Variants in WDR43 observed in about 807,000 individuals in gnomAD.
The protein encoded by WDR43 is WD repeat-containing protein 43.
Under a neutral mutation model 91.4 loss-of-function variants are expected in WDR43, and 13 were observed. The observed-to-expected ratio is 0.14, with a 90% CI of 0.09 to 0.23. The LOEUF (loss-of-function observed/expected upper bound fraction) is 0.23. Ranked by LOEUF, WDR43 falls within the 10% of genes least tolerant of loss-of-function variation. The probability of loss-of-function intolerance (pLI) is 1.00; values close to 1 mark genes in which losing one functional copy is unlikely to be tolerated. For missense variants in WDR43, 780 were observed against 809.4 expected, an observed-to-expected ratio of 0.96 and a Z score of 0.44; for synonymous variants, 331 against 287.9, an observed-to-expected ratio of 1.15 and a Z score of -1.51.
intron 10 of WDR43, among the ~76,000 whole-genome samples, chr2:28,928,236 T>G (rs972883336): frequency 1.3e-5 from 2 of 152,226 alleles, no homozygotes; most frequent in African/African-American, 4.8e-5. Flanking sequence ...ATAAGGAATC[T>G]GGAATTTTAA....
chr2:28,921,139 T>A (rs1327423215), intron 6 of WDR43, among the ~76,000 whole-genome samples: 3 of 151,928 alleles, frequency 2.0e-5, no homozygotes, highest in African/African-American at 7.3e-5. Context: ...AAATTTTTTT[T>A]TTTTTTTGAG....
chr2:28,910,735 G>A (rs888137719), intron 3 of WDR43, among the ~76,000 whole-genome samples: 2 of 150,046 alleles, frequency 1.3e-5, no homozygotes, highest in Admixed American at 6.7e-5. Context: ...GTCTCACTCC[G>A]TCACCCAGGT....
At position 28,946,673 on chromosome 2, in the gene WDR43, C is replaced by T. The variant is rs961149907; in HGVS notation, c.1928C>T (p.Ala643Val). The T allele has an allele frequency of 3.2e-6, 5 of 1,563,646 alleles. No individual in the cohort carries two copies. Among genetic ancestry groups the T allele is most frequent in the South Asian group, 1.2e-5 (1 of 84,758 alleles). The change falls in exon 18 of 18, where the codon GCC (alanine) becomes GTC (valine). Residue 643 changes from alanine (A) to valine (V), a missense_variant. Physicochemically the swap from Ala to Val is moderately conservative, Grantham distance 64. This residue lies in a region of WDR43 where 426 missense variants were observed against 467.8 expected (regional missense o/e 0.91). Transcript: ENST00000407426. ...DEDVEEEDED[A>V]EGKDEENGED... is the part of the protein sequence containing the mutation. Reference sequence around the variant, plus strand: ...GACGTTGAAGAGGAAGATGAGGATGCCGAAGGAAAAGATGAAGAAAATGGC... The same window carrying T: ...GACGTTGAAGAGGAAGATGAGGATGTCGAAGGAAAAGATGAAGAAAATGGC...
chr2:28,927,807 T>C, intron 10 of WDR43, 107 bp downstream of exon 10: 2 of 1,403,688 alleles, frequency 1.4e-6, no homozygotes, highest in Non-Finnish European at 1.9e-6. Context: ...AGAAATTTAC[T>C]GAGATTTCTC....
intron 9 of WDR43, chr2:28,927,355 T>C: frequency 3.5e-6 from 2 of 575,548 alleles, no homozygotes; most frequent in South Asian, 4.2e-5. Flanking sequence ...TTTACTCTTA[T>C]GTGGTATTGT....
chr2:28,946,509 T>C lies in WDR43; in HGVS notation c.1854+10T>C. On this transcript the variant is annotated intron_variant, in intron 17 of 17. Transcript: ENST00000407426. ...AGATAAGGATTCTGAAGTGAGTGAT[T>C]TGTTCCCTGTATATACATCGGCCTT... 5 of 1,609,100 alleles carry C rather than the reference T, an allele frequency of 3.1e-6. No homozygotes were observed. The highest frequency in any genetic ancestry group is 4.2e-6 in the Non-Finnish European group (5 of 1,177,066).
chr2:28,937,871 G>C (rs967731035), intron 13 of WDR43, 60 bp from the exon 14 acceptor site: 1 of 1,545,296 alleles, frequency 6.5e-7, no homozygotes, highest in Admixed American at 1.8e-5. Flanking sequence ...TTTTCTAACA[G>C]CTCAGTTGAA....
At chr2:28,904,223 T>G (rs1425771932) in intron 2 of WDR43, among the ~76,000 whole-genome samples, 4 of 152,050 alleles carry the variant, frequency 2.6e-5, no homozygotes, top group Non-Finnish European at 5.9e-5. Flanking sequence ...GATGGTATGG[T>G]AAGGTGGAAA....
intron 1 of WDR43, among the ~76,000 whole-genome samples, chr2:28,896,944 C>T (rs1351138275): frequency 6.6e-6 from 1 of 152,076 alleles, no homozygotes; most frequent in Non-Finnish European, 1.5e-5. Flanking sequence ...ACTATGGAAT[C>T]CCCTGAAATT....
intron 11 of WDR43, among the ~76,000 whole-genome samples, chr2:28,932,844 A>G (rs940235617): frequency 7.2e-5 from 11 of 152,348 alleles, no homozygotes; most frequent in Middle Eastern, 3.4e-3. Flanking sequence ...CATAGGGGAT[A>G]TTTTTAAATA....
intron 6 of WDR43, among the ~76,000 whole-genome samples, chr2:28,919,911 G>A (rs939241646): frequency 6.6e-6 from 1 of 151,900 alleles, no homozygotes; most frequent in Non-Finnish European, 1.5e-5. Flanking sequence ...TGCAGTCTTG[G>A]CTCACTGCAA....
intron 14 of WDR43, among the ~76,000 whole-genome samples, chr2:28,938,307 G>T (rs11127194): frequency 1.3e-5 from 2 of 152,130 alleles, no homozygotes; most frequent in African/African-American, 2.4e-5. Context: ...CACACACACA[G>T]GCACGGCAGG....
intron 5 of WDR43, among the ~76,000 whole-genome samples, chr2:28,915,289 G>C (rs1169420070): frequency 1.3e-5 from 2 of 152,136 alleles, no homozygotes; most frequent in African/African-American, 4.8e-5. Context: ...TTTGTTTCGT[G>C]TTTGATTTTT....
Position 28,935,572 on chromosome 2 carries a change from A to G in WDR43, c.1489A>G (p.Met497Val). 1 of 1,599,776 alleles carries G rather than the reference A, an allele frequency of 6.3e-7. No homozygotes were observed. The highest frequency in any genetic ancestry group is 8.5e-7 in the Non-Finnish European group (1 of 1,174,316). ...CCTTATAAAGAAGACTGTATTAAGG[A>G]TGCCCCTGCATACTATTATTCCGTT... ...VNLIKKTVLR[M>V]PLHTIIPLLQ... The change falls in exon 12 of 18, where the codon ATG (methionine) becomes GTG (valine). Residue 497 changes from methionine to valine, a missense_variant. Met to Val is a conservative substitution (Grantham distance 21). Transcript: ENST00000407426.
chr2:28,894,881 C>G lies in WDR43; in HGVS notation c.183C>G (p.Thr61=). The G allele has an allele frequency of 6.2e-7, 1 of 1,606,552 alleles. No homozygotes were observed. The highest frequency in any genetic ancestry group is 8.5e-7 in the Non-Finnish European group (1 of 1,176,932). The change falls in exon 1 of 18, where the codon ACC becomes ACG. Residue 61 remains threonine, a synonymous_variant. Coordinates refer to ENST00000407426, the MANE Select transcript of WDR43 (RefSeq NM_015131.3). ...EYVPSAHLSG[T]CTCLAWAPAR... ...TGCCTTCCGCGCACCTCAGTGGTAC[C>G]TGCACCTGTCTGGCCTGGGCGCCAG...
chr2:28,930,753 T>G (rs1671223098), intron 11 of WDR43, among the ~76,000 whole-genome samples: 1 of 152,200 alleles, frequency 6.6e-6, no homozygotes, highest in Non-Finnish European at 1.5e-5. Context: ...TTTTTCTTTT[T>G]CTTATTAAGA....
At position 28,937,977 on chromosome 2, in the gene WDR43, G is replaced by A. The variant is rs1167259724; in HGVS notation, c.1603G>A (p.Ala535Thr). 2.5e-6 allele frequency: 4 copies of A among 1,613,738 alleles called. No homozygotes were observed. The East Asian group carries it at 6.7e-5, about 27-fold the overall frequency. The stretch of plus-strand genomic sequence containing the variant: ...GCTAAAATGTGTGTTAACAGTTCAT[G>A]CATCATACCTGTCCACGGTGAGTCT... ...QWLKCVLTVH[A>T]SYLSTLPDLV... The change falls in exon 14 of 18, where the codon GCA becomes ACA. Residue 535 changes from alanine (A) to threonine (T), a missense_variant. This residue lies in a region of WDR43 where 426 missense variants were observed against 467.8 expected (regional missense o/e 0.91). Transcript: ENST00000407426.
intron 1 of WDR43, among the ~76,000 whole-genome samples, chr2:28,898,363 T>G (rs1284450688): frequency 6.6e-6 from 1 of 152,190 alleles, no homozygotes; most frequent in African/African-American, 2.4e-5. Context: ...CAGTGGTCTG[T>G]CTTGAGGTCT....
chr2:28,938,295 G>C lies in WDR43; in HGVS notation c.1620+301G>C, dbSNP rs1241445474. Among the ~76,000 whole-genome samples, 2 of 152,096 alleles carry C rather than the reference G, an allele frequency of 1.3e-5. 1 individual carries two copies. The highest frequency in any genetic ancestry group is 2.9e-5 in the Non-Finnish European group (2 of 68,028). On this transcript the variant is annotated intron_variant, in intron 14 of 17. Coordinates refer to ENST00000407426, the MANE Select transcript of WDR43 (RefSeq NM_015131.3). ...TAATGACATACTAAGATTTAGATGT[G>C]ACACACACACAGGCACGGCAGGTTT... is the stretch of plus-strand genomic sequence containing the variant.
Sources: gnomAD v4.1 joint callset for allele counts (sites outside exome capture counted in the v4.1 genomes callset) on GRCh38, gnomAD v4.1.1 for gene constraint, gnomAD v4.1.1 regional missense constraint, MANE v1.5 for transcripts, NCBI Gene and HGNC (gene_info 2026-07-23, HGNC 2026-07-21) for gene names.